The following FBXO2 variants were observed in gnomAD, a reference collection of about 807,000 sequenced individuals.
The protein encoded by FBXO2 is F-box only protein 2.
Under a neutral mutation model 38.6 loss-of-function variants are expected in FBXO2, and 32 were observed. That is an observed-to-expected ratio of 0.83 (90% CI 0.62 to 1.11). FBXO2 has a LOEUF of 1.11. Among genes scored for constraint, FBXO2 ranks in the 50% most tolerant of loss-of-function variants. FBXO2 has a pLI of 0.00. For missense variants in FBXO2, 450 were observed against 418.3 expected, an observed-to-expected ratio of 1.08 and a Z score of -0.66; for synonymous variants, 189 against 182.9, an observed-to-expected ratio of 1.03 and a Z score of -0.27.
chr1:11,652,325 A>G (rs938336830), intron 1 of FBXO2, among the ~76,000 whole-genome samples: 1 of 152,132 alleles, frequency 6.6e-6, no homozygotes, highest in Non-Finnish European at 1.5e-5. Flanking sequence ...AAGAAACTCT[A>G]TCAAGCAAGG....
chr1:11,649,259 G>C (rs1639473538), intron 4 of FBXO2, 34 bp from the exon 5 acceptor site: 2 of 1,206,808 alleles, frequency 1.7e-6, no homozygotes, highest in East Asian at 5.9e-5. Flanking sequence ...TGGGGGGCGG[G>C]AGGTGGGGTG....
intron 1 of FBXO2, 60 bp downstream of exon 1, chr1:11,654,259 G>C: frequency 6.8e-7 from 1 of 1,478,974 alleles, no homozygotes; most frequent in Non-Finnish European, 8.9e-7. Flanking sequence ...TCTGTGCAGC[G>C]CTCGCCCGCC....
At chr1:11,651,978 C>T (rs1338223497) in intron 1 of FBXO2, among the ~76,000 whole-genome samples, 2 of 152,212 alleles carry the variant, frequency 1.3e-5, no homozygotes, top group East Asian at 1.9e-4. Context: ...GGATTAAAGG[C>T]GTCAGCCACC....
At position 11,650,185 on chromosome 1, in the gene FBXO2, A is replaced by G; in HGVS notation, c.392-111T>C. On this transcript the variant is annotated intron_variant, in intron 2 of 5. Transcript: ENST00000354287. ...GGTCGCACTTGGTGTCTTGGTGGGC[A>G]GATGATGAATGAGAGGGTGGACCAG... is the stretch of plus-strand genomic sequence containing the variant. The G allele has an allele frequency of 4.7e-6, 7 of 1,497,196 alleles. No homozygotes were observed. In the South Asian group the frequency reaches 8.6e-5, roughly 18 times the overall value. The allele number at this position is 1,497,196 out of a possible 1,614,324, so 92.7% of individuals were successfully genotyped here.
rs1431616917 is a variant in FBXO2 at position 11,649,678 on chromosome 1, A to AG, written c.617+100dup. The AG allele has an allele frequency of 1.1e-5, 14 of 1,258,528 alleles. No homozygotes were observed. The Admixed American group carries it at 2.2e-4, about 20-fold the overall frequency. The allele number at this position is 1,258,528 out of a possible 1,614,324, so 78.0% of individuals were successfully genotyped here. A position where few individuals can be genotyped will look rare whatever the true frequency, so the allele number is the denominator to read the frequency against. ...TGGCCCACGTGGCCTCAACCCCTGC[A>AG]GTGGGGAGGCAGCACCCCCAGGCGG... On this transcript the variant is annotated intron_variant, in intron 4 of 5. Coordinates refer to ENST00000354287, the MANE Select transcript of FBXO2 (RefSeq NM_012168.6).
chr1:11,650,595 A>C lies in FBXO2; in HGVS notation c.262T>G (p.Trp88Gly), dbSNP rs1639501777. Residue 88 changes from tryptophan (W) to glycine (G), a missense_variant, in exon 2 of 6, where the codon TGG becomes GGG. Coordinates refer to ENST00000354287, the MANE Select transcript of FBXO2 (RefSeq NM_012168.6). ...WKELVDGAPL[W>G]LLKCQQEGLV... ...CCCTCCTGCTGGCACTTGAGCAGCCACAGCGGGGCGCCGTCCACCAGCTCC... is the reference window on the plus strand; with the variant it reads ...CCCTCCTGCTGGCACTTGAGCAGCCCCAGCGGGGCGCCGTCCACCAGCTCC... 1 of 1,593,414 alleles carries C rather than the reference A, an allele frequency of 6.3e-7. No homozygotes were observed. The highest frequency in any genetic ancestry group is 1.3e-5 in the African/African-American group (1 of 74,626).
Position 11,649,958 on chromosome 1 carries a change from C to T in FBXO2, c.508G>A (p.Ala170Thr), listed in dbSNP as rs778758319. 2.5e-6 allele frequency: 4 copies of T among 1,614,020 alleles called. No individual in the cohort carries two copies. The highest frequency in any genetic ancestry group is 1.6e-4 in the Middle Eastern group (1 of 6,062). The stretch of plus-strand genomic sequence containing the variant: ...CCTTCTCCTTACTCAAAGGAGGAGG[C>T]GAAGTACTTCTTGACGCTCTCATCG... ...THDESVKKYF[A>T]SSFEWCRKAQ... The change falls in exon 3 of 6, where the codon GCC becomes ACC. Residue 170 changes from alanine (A) to threonine (T), a missense_variant. Coordinates refer to ENST00000354287, the MANE Select transcript of FBXO2 (RefSeq NM_012168.6).
At chr1:11,650,926 C>CGGCG in intron 1 of FBXO2, 92 bp from the exon 2 acceptor site, 2 of 1,440,444 alleles carry the variant, frequency 1.4e-6, no homozygotes, top group Non-Finnish European at 1.8e-6. Context: ...CTCCCCCACC[C>CGGCG]ACCGTGGGAC....
At chr1:11,651,771 C>G (rs941679867) in intron 1 of FBXO2, among the ~76,000 whole-genome samples, 5 of 152,090 alleles carry the variant, frequency 3.3e-5, no homozygotes, top group Admixed American at 1.3e-4. Flanking sequence ...TCACTGCAAC[C>G]TCTGCCTCCC....
Position 11,648,612 on chromosome 1 carries a change from G to A in FBXO2, c.*82C>T. 6.5e-7 allele frequency: 1 copy of A among 1,538,184 alleles called. No individual in the cohort carries two copies. Among genetic ancestry groups the A allele is most frequent in the Non-Finnish European group, 8.9e-7 (1 of 1,129,572 alleles). On this transcript the variant is annotated 3_prime_UTR_variant, in exon 6 of 6. Coordinates refer to ENST00000354287, the MANE Select transcript of FBXO2 (RefSeq NM_012168.6). This position sits in a 1 kb window ranked among gnomAD's most constrained non-coding sequence, Gnocchi z 4.2. ...GGATGTGTGGCTTGGGGAAGGTGAG[G>A]ACGCTATGGACTAAGTTAAGGCCTA...
Position 11,650,476 on chromosome 1 carries a change from C to G in FBXO2, c.381G>C (p.Pro127=). 1 of 1,609,354 alleles carries G rather than the reference C, an allele frequency of 6.2e-7. No individual in the cohort carries two copies. The highest frequency in any genetic ancestry group is 8.5e-7 in the Non-Finnish European group (1 of 1,178,524). ...SKRRRNLLRN[P]CGEEDLEGWC... ...GCGAGGGCCTCTCACCTTCCCCACA[C>G]GGGTTACGCAGAAGGTTGCGGCGCC... is the stretch of plus-strand genomic sequence containing the variant. The change falls in exon 2 of 6, where the codon CCG becomes CCC. Residue 127 remains proline (P), a synonymous_variant. Coordinates refer to ENST00000354287, the MANE Select transcript of FBXO2 (RefSeq NM_012168.6).
At chr1:11,649,040 C>T in intron 5 of FBXO2, 47 bp downstream of exon 5, 2 of 1,532,394 alleles carry the variant, frequency 1.3e-6, no homozygotes, top group African/African-American at 1.4e-5. Context: ...GAGCCACGCC[C>T]CTCATGTCCG....
intron 4 of FBXO2, 21 bp from the exon 5 acceptor site, chr1:11,649,246 AGGTGGGGGGCGGGAGGTGG>A: frequency 4.3e-5 from 6 of 138,752 alleles, no homozygotes; most frequent in Non-Finnish European, 6.6e-5. Context: ...GGAGGGAGCG[AGGTGGGGGGCGGGAGGTGG>A]GGTGGGGGCA....
At chr1:11,654,172 G>A in intron 1 of FBXO2, 147 bp downstream of exon 1, 1 of 850,326 alleles carries the variant, frequency 1.2e-6, no homozygotes, top group Non-Finnish European at 1.7e-6. Context: ...GTGCTCTTTG[G>A]AGACCGCCTC....
Position 11,651,718 on chromosome 1 carries a change from TTG to T in FBXO2, c.23-886_23-885del, listed in dbSNP as rs1639523804. ...TAGGATTTTGACTTTTTTTTTTTTT[TTG>T]ATATGGAGTCTCGCTTGCTCTGTCA... On this transcript the variant is annotated intron_variant, in intron 1 of 5. Transcript: ENST00000354287. Among the ~76,000 whole-genome samples the T allele has an allele frequency of 2.7e-5, 4 of 146,690 alleles. No individual in the cohort carries two copies. The Admixed American group carries it at 2.8e-4, about 10-fold the overall frequency.
chr1:11,650,929 C>A, intron 1 of FBXO2, 95 bp from the exon 2 acceptor site: 1 of 1,438,802 alleles, frequency 7.0e-7, no homozygotes, highest in Non-Finnish European at 9.1e-7. Context: ...CCCCACCCAC[C>A]GTGGGACAAT....
At position 11,649,132 on chromosome 1, in the gene FBXO2, C is replaced by A. The variant is rs1451760814; in HGVS notation, c.711G>T (p.Gly237=). Residue 237 remains glycine (G), a synonymous_variant, in exon 5 of 6, where the codon GGG becomes GGT. Transcript: ENST00000354287. ...CACTGTCTTGGGGCACTGCCACCTGCCCGCTGCTGAACTCAGCCAGCACGT... is the reference window on the plus strand; with the variant it reads ...CACTGTCTTGGGGCACTGCCACCTGACCGCTGCTGAACTCAGCCAGCACGT... The part of the protein sequence containing the change: ...HENVLAEFSS[G]QVAVPQDSDG... 1 of 1,596,826 alleles carries A rather than the reference C, an allele frequency of 6.3e-7. No homozygotes were observed. Among genetic ancestry groups the A allele is most frequent in the African/African-American group, 1.3e-5 (1 of 74,486 alleles).
chr1:11,650,837 GC>G lies in FBXO2; in HGVS notation c.23-4del. The stretch of plus-strand genomic sequence containing the variant: ...CTCCTCGGGCTGGCCCACGCTCTCT[GC>G]AGGCAGGGATGGGTGGGAGGCTGTG... On this transcript the variant is annotated splice_polypyrimidine_tract_variant and splice_region_variant and intron_variant, in intron 1 of 5. Transcript: ENST00000354287. 1 of 1,555,526 alleles carries G rather than the reference GC, an allele frequency of 6.4e-7. No homozygotes were observed. Among genetic ancestry groups the G allele is most frequent in the Non-Finnish European group, 8.6e-7 (1 of 1,156,896 alleles).
chr1:11,651,621 C>T (rs969113609), intron 1 of FBXO2, among the ~76,000 whole-genome samples: 1 of 152,190 alleles, frequency 6.6e-6, no homozygotes, highest in Non-Finnish European at 1.5e-5. Flanking sequence ...TGAACCCAGA[C>T]AGCCTGGCTC....
Sources: allele counts gnomAD v4.1 joint callset (sites outside exome capture counted in the v4.1 genomes callset), GRCh38; gene constraint gnomAD v4.1.1; non-coding constraint Gnocchi (gnomAD v3.1); transcripts MANE v1.5; gene names NCBI Gene and HGNC (gene_info 2026-07-23, HGNC 2026-07-21).